Variants in YJU2 observed in about 807,000 individuals in gnomAD.
YJU2 encodes the protein YJU2 splicing factor homolog.
A neutral mutation model predicts 39.6 loss-of-function variants in YJU2; 28 were observed. That is an observed-to-expected ratio of 0.71 (90% CI 0.52 to 0.97). The LOEUF (loss-of-function observed/expected upper bound fraction) is 0.97, where lower values mean the gene tolerates loss of function less well. YJU2 is among the 50% of genes least tolerant of loss of function. The pLI is 0.00. For missense variants in YJU2, 328 were observed against 430.4 expected (o/e 0.76, Z 2.11); for synonymous variants, 184 against 182.4 (o/e 1.01, Z -0.07).
rs1270449686 is a variant in YJU2 at position 4,261,919 on chromosome 19, G to A, written c.588-75G>A. 2.6e-5 allele frequency: 39 copies of A among 1,524,386 alleles called. No individual in the cohort carries two copies. In the Middle Eastern group the frequency reaches 5.3e-4, roughly 21 times the overall value. 94.4% of individuals were successfully genotyped at this position (1,524,386 alleles called of 1,614,324 possible). A position where few individuals can be genotyped will look rare whatever the true frequency, so the allele number is the denominator to read the frequency against. On this transcript the variant is annotated intron_variant, in intron 5 of 7. Transcript: ENST00000262962. ...AGGTCTCCAGGCACCCAGGCCCCTC[G>A]CCACCCCAGCAGGTACATCCCAGGC... is the stretch of plus-strand genomic sequence containing the variant.
chr19:4,267,490 T>G (rs1037903342), intron 6 of YJU2, 134 bp from the exon 7 acceptor site: 2 of 928,408 alleles, frequency 2.2e-6, no homozygotes, highest in Non-Finnish European at 1.6e-6. Flanking sequence ...TAGAGGAGTT[T>G]AGAGCAGAGG....
intron 5 of YJU2, among the ~76,000 whole-genome samples, chr19:4,261,648 G>A (rs1349728248): frequency 2.0e-5 from 3 of 151,942 alleles, no homozygotes; most frequent in East Asian, 1.9e-4. Context: ...GCAACAGAGC[G>A]AGACTCTGTC....
chr19:4,264,494 T>C (rs1971100686), intron 6 of YJU2, among the ~76,000 whole-genome samples: 2 of 132,378 alleles, frequency 1.5e-5, no homozygotes, highest in South Asian at 2.5e-4. Context: ...TCTTTCTTTC[T>C]TTTTTTTTTT....
At chr19:4,260,339 A>T (rs1240192226) in intron 5 of YJU2, among the ~76,000 whole-genome samples, 1 of 152,054 alleles carries the variant, frequency 6.6e-6, no homozygotes, top group Non-Finnish European at 1.5e-5. Flanking sequence ...GAGACAGGAG[A>T]ATTGCCTGAA....
At chr19:4,264,476 T>C (rs1971100478) in intron 6 of YJU2, among the ~76,000 whole-genome samples, 1 of 149,618 alleles carries the variant, frequency 6.7e-6, no homozygotes, top group Non-Finnish European at 1.5e-5. Flanking sequence ...CCTGGCTAAT[T>C]TTTCTTTTCT....
intron 7 of YJU2, among the ~76,000 whole-genome samples, chr19:4,268,038 C>T (rs1227549892): frequency 3.3e-5 from 5 of 151,636 alleles, no homozygotes; most frequent in African/African-American, 9.7e-5. Flanking sequence ...CCGCAACCTC[C>T]GCCTCCCTGG....
chr19:4,258,226 G>A lies in YJU2; in HGVS notation c.406-16G>A, dbSNP rs374182943. 67 of 1,550,218 alleles carry A rather than the reference G, an allele frequency of 4.3e-5. 1 individual carries two copies. Among genetic ancestry groups the A allele is most frequent in the South Asian group, 3.1e-4 (26 of 83,976 alleles). On this transcript the variant is annotated splice_polypyrimidine_tract_variant and intron_variant, in intron 4 of 7. Coordinates refer to ENST00000262962, the MANE Select transcript of YJU2 (RefSeq NM_018074.6). ...CGATCCCCATGCACTCAGCCCCGCC[G>A]CCCCGCGCCCGCCAGGTGCTGGAGA... is the stretch of plus-strand genomic sequence containing the variant.
chr19:4,252,422 C>G (rs934110402), intron 3 of YJU2, among the ~76,000 whole-genome samples: 1 of 142,466 alleles, frequency 7.0e-6, no homozygotes, highest in East Asian at 2.1e-4. Flanking sequence ...CACAGTGAAA[C>G]CCCGTCTCTA....
chr19:4,267,433 G>A (rs1315031516), intron 6 of YJU2, among the ~76,000 whole-genome samples, 191 bp from the exon 7 acceptor site: 1 of 152,238 alleles, frequency 6.6e-6, no homozygotes, highest in Non-Finnish European at 1.5e-5. Context: ...GTGGGATGGA[G>A]AATGGGCAGA....
At chr19:4,249,408 C>A in intron 2 of YJU2, 80 bp downstream of exon 2, 2 of 890,476 alleles carry the variant, frequency 2.2e-6, no homozygotes, top group Non-Finnish European at 1.8e-6. Flanking sequence ...GTGACTCGTC[C>A]GGTGTTAAGA....
intron 6 of YJU2, among the ~76,000 whole-genome samples, chr19:4,264,090 ATC>A (rs1171755915): frequency 6.6e-6 from 1 of 151,300 alleles, no homozygotes; most frequent in Non-Finnish European, 1.5e-5. Flanking sequence ...GTGAAACCCC[ATC>A]TCTGCTAAAA....
At chr19:4,265,945 G>A (rs1972635) in intron 6 of YJU2, among the ~76,000 whole-genome samples, 51,211 of 148,112 alleles carry the variant, frequency 0.35, 9,220 homozygotes, top group East Asian at 0.48. Context: ...TCAGCCCAGA[G>A]CTACGACATT....
intron 1 of YJU2, among the ~76,000 whole-genome samples, chr19:4,247,633 GT>G (rs1568359623): frequency 0.074 from 4,756 of 64,286 alleles, 1,086 homozygotes; most frequent in African/African-American, 0.1. Flanking sequence ...GTGTGTGTGT[GT>G]GTGTGTGTGT....
At chr19:4,247,309 C>A in intron 1 of YJU2, 139 bp downstream of exon 1, 1 of 674,420 alleles carries the variant, frequency 1.5e-6, no homozygotes. Context: ...TCCCAGACTC[C>A]TCCCTAGACT....
At chr19:4,254,305 T>G (rs1420486079) in intron 3 of YJU2, 50 bp from the exon 4 acceptor site, 9 of 1,387,876 alleles carry the variant, frequency 6.5e-6, no homozygotes, top group Non-Finnish European at 9.2e-6. Context: ...CTTTAGAAGA[T>G]TCTAGTGCCT....
At chr19:4,251,905 T>G (rs10419310) in intron 3 of YJU2, among the ~76,000 whole-genome samples, 4,874 of 151,986 alleles carry the variant, frequency 0.032, 271 homozygotes, top group African/African-American at 0.11. Flanking sequence ...GAGAATCGCT[T>G]GAACCCGAGA....
In YJU2 at chr19:4,264,802, T is replaced by C. The variant is rs570889204; in HGVS notation, c.708+2688T>C. ...GTGCCTGGCCCCTAATTTTTCAAAT[T>C]CTTTTTGCAGAGATGCGGTCTTGCT... On this transcript the variant is annotated intron_variant, in intron 6 of 7. Coordinates refer to ENST00000262962, the MANE Select transcript of YJU2 (RefSeq NM_018074.6). Among the ~76,000 whole-genome samples, 31 of 152,186 alleles carry C rather than the reference T, an allele frequency of 2.0e-4. No homozygotes were observed. The South Asian group carries it at 6.4e-3, about 32-fold the overall frequency.
At chr19:4,265,671 C>T (rs2144700415) in intron 6 of YJU2, among the ~76,000 whole-genome samples, 1 of 152,038 alleles carries the variant, frequency 6.6e-6, no homozygotes, top group East Asian at 1.9e-4. Flanking sequence ...TCACTGCAAC[C>T]TCCGGCTCCC....
chr19:4,268,987 G>T lies in YJU2; in HGVS notation c.*291G>T, dbSNP rs974161165. ...TGGAGCAGCTTCCAACACTACTTCA[G>T]GGTGGCAGTGTTTGGGGCACTGGGC... On this transcript the variant is annotated 3_prime_UTR_variant, in exon 8 of 8. Coordinates refer to ENST00000262962, the MANE Select transcript of YJU2 (RefSeq NM_018074.6). The T allele has an allele frequency of 8.0e-5, 32 of 401,562 alleles. No homozygotes were observed. Among genetic ancestry groups the T allele is most frequent in the Non-Finnish European group, 1.3e-4 (28 of 217,756 alleles). 24.9% of individuals were successfully genotyped at this position (401,562 alleles called of 1,614,324 possible).
Sources: gnomAD v4.1 joint callset for allele counts (sites outside exome capture counted in the v4.1 genomes callset) on GRCh38, gnomAD v4.1.1 for gene constraint, MANE v1.5 for transcripts, NCBI Gene and HGNC (gene_info 2026-07-23, HGNC 2026-07-21) for gene names.